The following GRIP2 variants were observed in gnomAD, a reference collection of about 807,000 sequenced individuals.
GRIP2 encodes glutamate receptor interacting protein 2.
In GRIP2, 58 loss-of-function variants were observed where a neutral mutation model predicts 108.3. The observed-to-expected ratio is 0.54, with a 90% CI of 0.43 to 0.67. The LOEUF is 0.67. GRIP2 is among the 30% of genes least tolerant of loss of function. The pLI, the probability that GRIP2 is intolerant of heterozygous loss-of-function variation, is 0.00. For synonymous variants in GRIP2, 586 were observed against 598.2 expected, an observed-to-expected ratio of 0.98 and a Z score of 0.30; for missense variants, 1,278 against 1,430.6, an observed-to-expected ratio of 0.89 and a Z score of 1.72.
At chr3:14,596,278 G>A in the GRIP2 span, among the ~76,000 whole-genome samples, 1 of 152,224 alleles carries the variant, frequency 6.6e-6, no homozygotes, top group Non-Finnish European at 1.5e-5. Context: ...AGTATCAGAG[G>A]CATCAAAGTA....
rs1254514479 is a variant in GRIP2, at chr3:14,494,901, A to G, written c.2912T>C (p.Val971Ala). Residue 971 changes from valine (V) to alanine (A), a missense_variant, in exon 23 of 24, where the codon GTG becomes GCG. Physicochemically the swap from Val to Ala is moderately conservative, Grantham distance 64. Transcript: ENST00000621039. ...LLEKGVYVHT[V>A]RPDGPAHRGG... is the part of the protein sequence containing the mutation. The stretch of plus-strand genomic sequence containing the variant: ...ACGGTGGGCTGGCCCATCAGGGCGC[A>G]CAGTGTGGACATAGACACCTTTTTC... 1.2e-6 allele frequency: 2 copies of G among 1,613,828 alleles called. No individual in the cohort carries two copies. The highest frequency in any genetic ancestry group is 1.7e-5 in the Admixed American group (1 of 60,002).
At chr3:14,527,312 G>T (rs1694584457) in intron 1 of GRIP2, among the ~76,000 whole-genome samples, 1 of 151,128 alleles carries the variant, frequency 6.6e-6, no homozygotes, top group South Asian at 2.1e-4. Context: ...GGCATTTAAA[G>T]TGTGTTAAAG....
exon 1 of GRIP2, chr3:14,556,070 C>A (rs1272059918): frequency 5.0e-6 from 2 of 398,210 alleles, no homozygotes; most frequent in African/African-American, 2.1e-5. Context: ...ACAGGCTGGG[C>A]GCTCCCTTCC....
chr3:14,523,262 G>A (rs1197907479), intron 5 of GRIP2, 187 bp from the exon 6 acceptor site: 7 of 594,658 alleles, frequency 1.2e-5, no homozygotes, highest in Non-Finnish European at 2.1e-5. Flanking sequence ...CAAGGGGTGG[G>A]TAACATGACC....
chr3:14,553,316 G>A (rs1161341262), intron 1 of GRIP2, among the ~76,000 whole-genome samples: 1 of 151,044 alleles, frequency 6.6e-6, no homozygotes, highest in African/African-American at 2.4e-5. Flanking sequence ...ACTATATGTT[G>A]GCCAGGCTGG....
chr3:14,552,220 C>T (rs1695161321), intron 1 of GRIP2, among the ~76,000 whole-genome samples: 1 of 152,160 alleles, frequency 6.6e-6, no homozygotes, highest in Admixed American at 6.5e-5. Context: ...CCTGATGTGG[C>T]TGCCAGGAGA....
Position 14,496,961 on chromosome 3 carries a change from C to CTTTT in GRIP2, c.2680-405_2680-402dup, listed in dbSNP as rs56751492. 2.9e-5 allele frequency among the ~76,000 whole-genome samples: 4 copies of CTTTT among 136,434 alleles called. 1 individual carries two copies. The highest frequency in any genetic ancestry group is 4.7e-5 in the Non-Finnish European group (3 of 63,880). The allele number at this position is 136,434 out of a possible 152,430, so 89.5% of individuals were successfully genotyped here. ...AGAGTCTAGTTCCAAAGTCAAGACT[C>CTTTT]TTTTTTTTTTTTTTTTTGAGACAAA... On this transcript the variant is annotated intron_variant, in intron 21 of 23. Transcript: ENST00000621039.
At chr3:14,540,498 A>G, upstream of GRIP2, 1 of 1,388,956 alleles carries the variant, frequency 7.2e-7, no homozygotes. The surrounding 1 kb of genome is among the most constrained non-coding windows in gnomAD (Gnocchi z 4.1). Flanking sequence ...GGCTGGCTCC[A>G]GGACAGGGTC....
chr3:14,518,326 C>T (rs1694312424), intron 9 of GRIP2, among the ~76,000 whole-genome samples: 1 of 152,218 alleles, frequency 6.6e-6, no homozygotes, highest in Non-Finnish European at 1.5e-5. Flanking sequence ...GCCCAGGCAG[C>T]CTCGGCCAGT....
the GRIP2 span, among the ~76,000 whole-genome samples, chr3:14,602,511 G>A: frequency 6.6e-6 from 1 of 151,936 alleles, no homozygotes; most frequent in African/African-American, 2.4e-5. This position sits in a 1 kb window ranked among gnomAD's most constrained non-coding sequence, Gnocchi z 4.7. Flanking sequence ...CCGACACCCG[G>A]CGGGCTGGCT....
chr3:14,597,731 T>G, the GRIP2 span, among the ~76,000 whole-genome samples: 1 of 151,988 alleles, frequency 6.6e-6, no homozygotes, highest in East Asian at 1.9e-4. Context: ...GAGATGATTT[T>G]AAAGGAGAGG....
At chr3:14,573,198 A>T in the GRIP2 span, 551 of 1,415,892 alleles carry the variant, frequency 3.9e-4, 4 homozygotes, top group African/African-American at 6.8e-3. Flanking sequence ...CCGCTCCAGG[A>T]TCTGCCAGCT....
chr3:14,581,211 C>T, the GRIP2 span, among the ~76,000 whole-genome samples: 3,605 of 152,262 alleles, frequency 0.024, 169 homozygotes, highest in African/African-American at 0.081. Flanking sequence ...CTCTTGGAGC[C>T]CCACCCTCCT....
chr3:14,514,252 G>T (rs764332231), intron 12 of GRIP2, 40 bp downstream of exon 12: 6 of 1,514,190 alleles, frequency 4.0e-6, no homozygotes, highest in Non-Finnish European at 4.5e-6. Flanking sequence ...GTTTCTCTCA[G>T]AGAGTGGCAG....
intron 21 of GRIP2, among the ~76,000 whole-genome samples, chr3:14,497,591 G>A (rs1693648391): frequency 6.6e-6 from 1 of 152,222 alleles, no homozygotes; most frequent in Non-Finnish European, 1.5e-5. Context: ...TAAGAAATGT[G>A]AACTTCATCC....
At chr3:14,530,025 A>G (rs1694667544) in intron 1 of GRIP2, among the ~76,000 whole-genome samples, 1 of 152,218 alleles carries the variant, frequency 6.6e-6, no homozygotes, top group Non-Finnish European at 1.5e-5. Context: ...TGGCTCAAAG[A>G]TTTCAGAACC....
rs777440347 is a variant in GRIP2 at position 14,496,507 on chromosome 3, G to A, written c.2733C>T (p.Gly911=). The A allele has an allele frequency of 5.6e-6, 9 of 1,612,514 alleles. No individual in the cohort carries two copies. In the African/African-American group the frequency reaches 9.3e-5, roughly 17 times the overall value. The change falls in exon 22 of 24, where the codon GGC becomes GGT. Residue 911 remains glycine (G), a synonymous_variant. Transcript: ENST00000621039. The part of the protein sequence containing the change: ...VQRVALEGRP[G]HRPWQRGREV... ...CCCGGCCCCTCTGCCAAGGCCGGTG[G>A]CCAGGCCTGCCCTCGAGGGCCACCC...
chr3:14,555,568 CAG>C (rs35997780), intron 1 of GRIP2, among the ~76,000 whole-genome samples: 33,879 of 151,364 alleles, frequency 0.22, 4,034 homozygotes, highest in South Asian at 0.32. Context: ...GAGACAGACA[CAG>C]AGAGACCCAG....
chr3:14,524,473 C>T lies in GRIP2; in HGVS notation c.323G>A (p.Arg108His), dbSNP rs775724550. 2.3e-5 allele frequency: 37 copies of T among 1,584,096 alleles called. No homozygotes were observed. Among genetic ancestry groups the T allele is most frequent in the Non-Finnish European group, 2.8e-5 (33 of 1,164,970 alleles). The change falls in exon 4 of 24, where the codon CGC (arginine) becomes CAC (histidine). Residue 108 changes from arginine (R) to histidine (H), a missense_variant. Transcript: ENST00000621039. ...SVNGIHLTRL[R>H]HDEIITLLKN... The stretch of plus-strand genomic sequence containing the variant: ...GAGCAGGGTGATGATCTCATCGTGG[C>T]GGAGCCTGGTCAGGTGGATCCCGTT...
Sources: gnomAD v4.1 joint callset for allele counts (sites outside exome capture counted in the v4.1 genomes callset) on GRCh38, gnomAD v4.1.1 for gene constraint, Gnocchi (gnomAD v3.1) non-coding constraint, MANE v1.5 for transcripts, NCBI Gene and HGNC (gene_info 2026-07-23, HGNC 2026-07-21) for gene names.